ACSL3: variants seen among roughly 807,000 people sequenced by gnomAD.
ACSL3 encodes the protein fatty acid CoA ligase Acsl3.
ACSL3 carries 34 observed loss-of-function variants against 84.7 expected under a neutral mutation model. The observed-to-expected ratio is 0.40, with a 90% CI of 0.31 to 0.53. ACSL3 has a LOEUF of 0.53. Ranked by LOEUF, ACSL3 falls within the 20% of genes least tolerant of loss-of-function variation. ACSL3 has a pLI of 0.48. For missense variants in ACSL3, 680 were observed against 873.1 expected (o/e 0.78, Z 2.79); for synonymous variants, 315 against 299.4 (o/e 1.05, Z -0.54).
rs1273295382 is a variant in ACSL3 at position 222,941,599 on chromosome 2, A to G, written c.2108A>G (p.Lys703Arg). The change falls in exon 17 of 17, where the codon AAA becomes AGA. Residue 703 changes from lysine (K) to arginine (R), a missense_variant. Lys to Arg is a conservative substitution (Grantham distance 26, BLOSUM62 2). Transcript: ENST00000357430. ...ACAGATGCCTTCAAGCTGAAACGCAAAGAGCTTAAAACACATTACCAGGCG... is the reference window on the plus strand; with the variant it reads ...ACAGATGCCTTCAAGCTGAAACGCAGAGAGCTTAAAACACATTACCAGGCG... ...LVTDAFKLKRKELKTHYQADI... is the reference protein window; with the variant it reads ...LVTDAFKLKRRELKTHYQADI... 4 of 1,613,608 alleles carry G rather than the reference A, an allele frequency of 2.5e-6. No individual in the cohort carries two copies. Among genetic ancestry groups the G allele is most frequent in the Non-Finnish European group, 3.4e-6 (4 of 1,179,834 alleles).
chr2:222,922,867 A>G (rs1277189775), intron 9 of ACSL3, 36 bp downstream of exon 9: 2 of 1,611,902 alleles, frequency 1.2e-6, no homozygotes, highest in Admixed American at 1.7e-5. Flanking sequence ...ATACTAAAAA[A>G]TCATAGTGAA....
At position 222,908,977 on chromosome 2, in the gene ACSL3, A is replaced by G; in HGVS notation, c.205A>G (p.Arg69Gly). ...PVNSKPDSAY[R>G]SVNSLDGLAS... is the part of the protein sequence containing the mutation. ...AAATTCAAAACCTGATTCTGCATAC[A>G]GATCTGTTAATAGTTTGGATGGTTT... The change falls in exon 4 of 17, where the codon AGA becomes GGA. Residue 69 changes from arginine to glycine, a missense_variant. Transcript: ENST00000357430. 6.2e-7 allele frequency: 1 copy of G among 1,613,802 alleles called. No homozygotes were observed. Among genetic ancestry groups the G allele is most frequent in the Non-Finnish European group, 8.5e-7 (1 of 1,179,862 alleles).
At chr2:222,922,629 C>T (rs1007243543) in intron 8 of ACSL3, 79 bp from the exon 9 acceptor site, 26 of 1,576,146 alleles carry the variant, frequency 1.6e-5, no homozygotes, top group Admixed American at 7.2e-5. Flanking sequence ...CATGTGCCTT[C>T]AAGCTTGCTC....
intron 16 of ACSL3, among the ~76,000 whole-genome samples, chr2:222,935,961 A>G (rs1449245195): frequency 1.3e-5 from 2 of 151,806 alleles, no homozygotes; most frequent in East Asian, 1.9e-4. Flanking sequence ...TTTTTACTTT[A>G]TGTTTCTAAA....
chr2:222,907,201 A>T (rs1696315295), intron 3 of ACSL3, among the ~76,000 whole-genome samples: 1 of 152,216 alleles, frequency 6.6e-6, no homozygotes, highest in Non-Finnish European at 1.5e-5. Flanking sequence ...ACAAGAGGTG[A>T]GGCAAAGATG....
Position 222,924,590 on chromosome 2 carries a change from C to G in ACSL3, c.1287C>G (p.Cys429Trp). ...QISKGRNTPL[C>W]DSFVFRKVRS... is the part of the protein sequence containing the mutation. ...CAAAAGGACGTAATACTCCACTGTGCGACAGGTAAGTAAAGACTCTCTACC... is the reference window on the plus strand; with the variant it reads ...CAAAAGGACGTAATACTCCACTGTGGGACAGGTAAGTAAAGACTCTCTACC... Residue 429 changes from cysteine (C) to tryptophan (W), a missense_variant, in exon 11 of 17, where the codon TGC (cysteine) becomes TGG (tryptophan). Cys to Trp is a radical substitution (Grantham distance 215). Transcript: ENST00000357430. 1 of 1,597,848 alleles carries G rather than the reference C, an allele frequency of 6.3e-7. No homozygotes were observed.
At position 222,908,973 on chromosome 2, in the gene ACSL3, A is replaced by AGGTTTTG; in HGVS notation, c.201_202insGGTTTTG (p.Tyr68GlyfsTer7). The AGGTTTTG allele has an allele frequency of 6.2e-7, 1 of 1,613,712 alleles. No homozygotes were observed. Among genetic ancestry groups the AGGTTTTG allele is most frequent in the Non-Finnish European group, 8.5e-7 (1 of 1,179,794 alleles). On this transcript the variant is annotated frameshift_variant, in exon 4 of 17. Coordinates refer to ENST00000357430, the MANE Select transcript of ACSL3 (RefSeq NM_004457.5). LOFTEE classifies it high-confidence loss of function. Reference sequence around the variant, plus strand: ...CTGTAAATTCAAAACCTGATTCTGCATACAGATCTGTTAATAGTTTGGATG... The same window carrying AGGTTTTG: ...CTGTAAATTCAAAACCTGATTCTGCAGGTTTTGTACAGATCTGTTAATAGTTTGGATG...
chr2:222,876,292 T>C (rs1695446136), intron 1 of ACSL3, among the ~76,000 whole-genome samples: 1 of 152,160 alleles, frequency 6.6e-6, no homozygotes, highest in African/African-American at 2.4e-5. Context: ...GAGCTAGTTA[T>C]TGCTTTATGG....
At chr2:222,873,549 G>A (rs547298966) in intron 1 of ACSL3, among the ~76,000 whole-genome samples, 91 of 152,190 alleles carry the variant, frequency 6.0e-4, no homozygotes, top group Non-Finnish European at 1.1e-3. Flanking sequence ...TGGAAAATAC[G>A]TAAAAGCATA....
chr2:222,900,984 C>G (rs1465464808), intron 3 of ACSL3, among the ~76,000 whole-genome samples: 2 of 152,144 alleles, frequency 1.3e-5, no homozygotes, highest in Non-Finnish European at 2.9e-5. Context: ...GTTGCTTGAA[C>G]AAAAGACAAA....
chr2:222,890,484 T>G (rs1344474505), intron 2 of ACSL3, among the ~76,000 whole-genome samples: 1 of 152,236 alleles, frequency 6.6e-6, no homozygotes, highest in Non-Finnish European at 1.5e-5. Context: ...GGAAGAGCTG[T>G]CTTCTCTCAA....
chr2:222,871,975 G>A (rs1012255361), intron 1 of ACSL3, among the ~76,000 whole-genome samples: 1 of 151,698 alleles, frequency 6.6e-6, no homozygotes, highest in Non-Finnish European at 1.5e-5. Flanking sequence ...CGACTCCCTT[G>A]TTTTTGGTGA....
At chr2:222,924,284 C>A (rs35965037) in intron 10 of ACSL3, among the ~76,000 whole-genome samples, 172 bp from the exon 11 acceptor site, 1 of 152,158 alleles carries the variant, frequency 6.6e-6, no homozygotes, top group Non-Finnish European at 1.5e-5. Flanking sequence ...TAGGATACAT[C>A]TTTTTGAAAA....
chr2:222,905,736 T>C (rs1263629392), intron 3 of ACSL3, among the ~76,000 whole-genome samples: 1 of 152,230 alleles, frequency 6.6e-6, no homozygotes, highest in Non-Finnish European at 1.5e-5. Context: ...CCTGGAATGG[T>C]GAACAGAGCC....
At chr2:222,908,414 A>T (rs1351147605) in intron 3 of ACSL3, among the ~76,000 whole-genome samples, 1 of 152,210 alleles carries the variant, frequency 6.6e-6, no homozygotes, top group African/African-American at 2.4e-5. Flanking sequence ...AAAGCACAGG[A>T]AATGGGTAAA....
chr2:222,923,867 A>G (rs1696804671), intron 10 of ACSL3, among the ~76,000 whole-genome samples: 1 of 152,230 alleles, frequency 6.6e-6, no homozygotes, highest in Non-Finnish European at 1.5e-5. Context: ...CGTACAATTT[A>G]AAGTTGTGGA....
At chr2:222,936,044 G>A (rs1697163409) in intron 16 of ACSL3, among the ~76,000 whole-genome samples, 1 of 151,964 alleles carries the variant, frequency 6.6e-6, no homozygotes, top group South Asian at 2.1e-4. Flanking sequence ...GTCTTATTTA[G>A]TGTATCTTCA....
At chr2:222,870,669 T>C (rs1695276422) in intron 1 of ACSL3, among the ~76,000 whole-genome samples, 1 of 152,068 alleles carries the variant, frequency 6.6e-6, no homozygotes, top group Non-Finnish European at 1.5e-5. Flanking sequence ...CAGGTAGAGC[T>C]AACAGGGCAA....
chr2:222,928,552 C>T (rs1317866877), intron 12 of ACSL3, among the ~76,000 whole-genome samples: 2 of 151,940 alleles, frequency 1.3e-5, no homozygotes, highest in East Asian at 1.9e-4. Flanking sequence ...TAACAGAGGC[C>T]GTCAGTTCTG....
Sources: gnomAD v4.1 joint callset for allele counts (sites outside exome capture counted in the v4.1 genomes callset) on GRCh38, gnomAD v4.1.1 for gene constraint, MANE v1.5 for transcripts, NCBI Gene and HGNC (gene_info 2026-07-23, HGNC 2026-07-21) for gene names.